DSCAM: variants seen among roughly 807,000 people sequenced by gnomAD.
The protein encoded by DSCAM is DS cell adhesion molecule.
DSCAM carries 47 observed loss-of-function variants against 217.7 expected under a neutral mutation model. The observed-to-expected ratio is 0.22, with a 90% confidence interval of 0.17 to 0.28. The LOEUF is 0.28. DSCAM is among the 10% of genes least tolerant of loss of function. DSCAM has a pLI of 1.00. For synonymous variants in DSCAM, 1,056 were observed against 1,015.3 expected (o/e 1.04, Z -0.76); for missense variants, 2,080 against 2,618.3 (o/e 0.79, Z 4.49).
chr21:40,812,761 G>C (rs1464888598), intron 1 of DSCAM, among the ~76,000 whole-genome samples: 1 of 152,132 alleles, frequency 6.6e-6, no homozygotes, highest in Non-Finnish European at 1.5e-5. Flanking sequence ...GGAGAGCCTT[G>C]GTTTGAACTT....
At chr21:40,254,454 C>T (rs184535828) in intron 11 of DSCAM, among the ~76,000 whole-genome samples, 8 of 152,272 alleles carry the variant, frequency 5.3e-5, no homozygotes, top group Non-Finnish European at 1.0e-4. Context: ...GATTTTCTGA[C>T]GCATACAAAA....
chr21:40,356,009 T>C (rs920598870), intron 4 of DSCAM, among the ~76,000 whole-genome samples: 7 of 152,228 alleles, frequency 4.6e-5, no homozygotes, highest in Non-Finnish European at 1.0e-4. Flanking sequence ...TTTGTGTATA[T>C]AGGAATGATA....
intron 1 of DSCAM, among the ~76,000 whole-genome samples, chr21:40,714,389 A>G (rs2090817668): frequency 6.6e-6 from 1 of 152,276 alleles, no homozygotes; most frequent in African/African-American, 2.4e-5. Flanking sequence ...AGAGCCCAAC[A>G]AAGCCACCAA....
intron 1 of DSCAM, among the ~76,000 whole-genome samples, chr21:40,733,537 C>T (rs1313921266): frequency 6.6e-6 from 1 of 152,148 alleles, no homozygotes; most frequent in Non-Finnish European, 1.5e-5. Flanking sequence ...GACAGTCCCT[C>T]CCATTGAAGA....
intron 3 of DSCAM, among the ~76,000 whole-genome samples, chr21:40,572,085 G>GGTGT (rs10553285): frequency 3.1e-4 from 46 of 148,626 alleles, no homozygotes; most frequent in South Asian, 1.7e-3. Context: ...TGTGTGTGTG[G>GGTGT]GTGTGTGTGT....
chr21:40,043,692 C>A (rs1568909154), intron 31 of DSCAM, among the ~76,000 whole-genome samples: 1 of 152,240 alleles, frequency 6.6e-6, no homozygotes, highest in Non-Finnish European at 1.5e-5. Flanking sequence ...ACTTCAAGTG[C>A]TGTGTCTTAA....
chr21:40,554,246 A>T (rs1269588043), intron 3 of DSCAM, among the ~76,000 whole-genome samples: 1 of 151,942 alleles, frequency 6.6e-6, no homozygotes, highest in Non-Finnish European at 1.5e-5. Context: ...AACGAATTAA[A>T]AACATTTTAG....
intron 3 of DSCAM, 121 bp downstream of exon 3, chr21:40,692,689 G>T: frequency 8.1e-7 from 1 of 1,241,822 alleles, no homozygotes. Flanking sequence ...AATAGCATCA[G>T]CCTTAAGAAT....
At position 40,035,440 on chromosome 21, in the gene DSCAM, G is replaced by C. The variant is rs956403240; in HGVS notation, c.5686+6931C>G. Among the ~76,000 whole-genome samples the C allele has an allele frequency of 9.6e-5, 12 of 124,576 alleles. 1 individual carries two copies. Among genetic ancestry groups the C allele is most frequent in the Non-Finnish European group, 3.3e-5 (2 of 61,230 alleles). 81.7% of individuals were successfully genotyped at this position (124,576 alleles called of 152,430 possible). Reference sequence around the variant, plus strand: ...AGAAGGCCATTACATAATGGTAAAGGGATCAATTCAACAAGAAGAGCTAAC... The same window carrying C: ...AGAAGGCCATTACATAATGGTAAAGCGATCAATTCAACAAGAAGAGCTAAC... On this transcript the variant is annotated intron_variant, in intron 32 of 32. Transcript: ENST00000400454.
chr21:40,597,699 G>C (rs1318560011), intron 3 of DSCAM, among the ~76,000 whole-genome samples: 3 of 151,764 alleles, frequency 2.0e-5, no homozygotes, highest in African/African-American at 7.3e-5. Flanking sequence ...ATAGAGACAG[G>C]GTTTTGCCAT....
intron 3 of DSCAM, among the ~76,000 whole-genome samples, chr21:40,607,400 ATTTT>A (rs58893055): frequency 1.7e-5 from 2 of 121,154 alleles, no homozygotes. Context: ...TTTAATTCTG[ATTTT>A]TTTTTTTTTT....
intron 6 of DSCAM, among the ~76,000 whole-genome samples, chr21:40,346,633 GCTGA>G (rs1438195578): frequency 6.6e-6 from 1 of 151,882 alleles, no homozygotes; most frequent in African/African-American, 2.4e-5. Context: ...TCTTTCTCTG[GCTGA>G]CTGATAAGCT....
chr21:40,214,644 G>C (rs1452166563), intron 11 of DSCAM, among the ~76,000 whole-genome samples: 1 of 151,440 alleles, frequency 6.6e-6, no homozygotes, highest in African/African-American at 2.4e-5. Flanking sequence ...TACAGGTAAA[G>C]GGTGGAAAAA....
chr21:40,376,547 T>TAG (rs1192174299), intron 3 of DSCAM, among the ~76,000 whole-genome samples: 2 of 81,494 alleles, frequency 2.5e-5, no homozygotes, highest in African/African-American at 5.8e-5. Flanking sequence ...CGATATATCT[T>TAG]ATATCGATAT....
intron 1 of DSCAM, among the ~76,000 whole-genome samples, chr21:40,814,951 C>T (rs1362077477): frequency 6.6e-6 from 1 of 152,132 alleles, no homozygotes; most frequent in Non-Finnish European, 1.5e-5. Context: ...AATGTGATAG[C>T]AATTTACAAG....
intron 4 of DSCAM, among the ~76,000 whole-genome samples, chr21:40,363,985 C>A (rs545579596): frequency 1.3e-5 from 2 of 152,308 alleles, no homozygotes; most frequent in East Asian, 3.9e-4. Flanking sequence ...GAGATACCAT[C>A]TTACACCAGT....
rs2089436663 is a variant in DSCAM at position 40,080,291 on chromosome 21, A to G, written c.4281T>C (p.Phe1427=). 16 of 1,613,282 alleles carry G rather than the reference A, an allele frequency of 9.9e-6. 1 individual carries two copies. Among genetic ancestry groups the G allele is most frequent in the East Asian group, 8.9e-5 (4 of 44,790 alleles). Residue 1427 remains phenylalanine, a synonymous_variant, in exon 25 of 33, where the codon TTT becomes TTC. Coordinates refer to ENST00000400454, the MANE Select transcript of DSCAM (RefSeq NM_001389.5). ...AGGAACGTTCGCTGGGGCTGATTGG[A>G]AAACTCCCCCACTGCTCACTATTGT... is the stretch of plus-strand genomic sequence containing the variant. ...SEDNSEQWGS[F]PISPSERSYR... is the part of the protein sequence containing the mutation.
chr21:40,146,630 G>C (rs917690418), intron 16 of DSCAM, among the ~76,000 whole-genome samples: 3 of 152,126 alleles, frequency 2.0e-5, no homozygotes, highest in African/African-American at 7.2e-5. Flanking sequence ...GACTCCACTT[G>C]CTTTTCCCAA....
intron 32 of DSCAM, among the ~76,000 whole-genome samples, chr21:40,031,933 C>T (rs927081431): frequency 3.3e-5 from 5 of 152,198 alleles, no homozygotes; most frequent in Non-Finnish European, 5.9e-5. Context: ...GCCTTGTCTT[C>T]CTTGCCTTGA....
Sources: allele counts gnomAD v4.1 joint callset (sites outside exome capture counted in the v4.1 genomes callset), GRCh38; gene constraint gnomAD v4.1.1; transcripts MANE v1.5; gene names NCBI Gene and HGNC (gene_info 2026-07-23, HGNC 2026-07-21).